Variants in CCSER1 observed in about 807,000 individuals in gnomAD.
CCSER1 encodes the protein coiled-coil serine rich protein 1, also known as serine-rich coiled-coil domain-containing protein 1.
CCSER1 carries 41 observed loss-of-function variants against 82.0 expected under a neutral mutation model. The observed-to-expected ratio is 0.50, with a 90% confidence interval of 0.39 to 0.65. CCSER1 has a LOEUF of 0.65. Ranked by LOEUF, CCSER1 falls within the 30% of genes least tolerant of loss-of-function variation. The pLI is 0.00. For synonymous variants in CCSER1, 414 were observed against 383.9 expected, an observed-to-expected ratio of 1.08 and a Z score of -0.92; for missense variants, 1,119 against 1,064.2, an observed-to-expected ratio of 1.05 and a Z score of -0.72.
intron 1 of CCSER1, among the ~76,000 whole-genome samples, chr4:90,175,811 A>G (rs778607188): frequency 3.2e-4 from 49 of 152,114 alleles, no homozygotes; most frequent in Non-Finnish European, 6.2e-4. Context: ...TTGCGAAGTG[A>G]AGGATAGATA....
chr4:91,360,990 A>G (rs1749207141), intron 10 of CCSER1, among the ~76,000 whole-genome samples: 1 of 151,886 alleles, frequency 6.6e-6, no homozygotes, highest in South Asian at 2.1e-4. Context: ...GCTTGGAGTC[A>G]ATGAAATTCT....
intron 7 of CCSER1, among the ~76,000 whole-genome samples, chr4:90,780,024 T>C (rs1343978356): frequency 2.6e-5 from 4 of 152,226 alleles, no homozygotes; most frequent in Non-Finnish European, 2.9e-5. Context: ...ACCACTTACC[T>C]CTAGTCACCT....
At chr4:90,589,913 G>A (rs1426791513) in intron 5 of CCSER1, among the ~76,000 whole-genome samples, 1 of 152,156 alleles carries the variant, frequency 6.6e-6, no homozygotes, top group Non-Finnish European at 1.5e-5. Flanking sequence ...TCAGATCACT[G>A]GAATATCTAC....
chr4:90,196,209 A>AG (rs1736572311), intron 1 of CCSER1, among the ~76,000 whole-genome samples: 1 of 151,992 alleles, frequency 6.6e-6, no homozygotes, highest in South Asian at 2.1e-4. Context: ...CTCCTAATAA[A>AG]GGGGGCAAAT....
At chr4:91,230,760 C>A (rs1738565736) in intron 10 of CCSER1, among the ~76,000 whole-genome samples, 1 of 151,376 alleles carries the variant, frequency 6.6e-6, no homozygotes, top group Admixed American at 6.6e-5. Context: ...GAATAAAATC[C>A]TTAATCAGAA....
At chr4:90,191,760 A>C (rs1027102096) in intron 1 of CCSER1, among the ~76,000 whole-genome samples, 1 of 152,108 alleles carries the variant, frequency 6.6e-6, no homozygotes, top group African/African-American at 2.4e-5. Context: ...AGTTCTTCAC[A>C]ATAATCCTTG....
chr4:91,552,149 A>G (rs1011025869), intron 10 of CCSER1, among the ~76,000 whole-genome samples: 2 of 151,682 alleles, frequency 1.3e-5, no homozygotes, highest in African/African-American at 4.9e-5. Flanking sequence ...AGATGGCTAA[A>G]CTACCCTCAA....
chr4:90,289,599 T>A (rs1458193960), intron 1 of CCSER1, among the ~76,000 whole-genome samples: 1 of 151,910 alleles, frequency 6.6e-6, no homozygotes, highest in East Asian at 1.9e-4. Flanking sequence ...TTCAAATTTG[T>A]ACAATCTTAA....
intron 9 of CCSER1, among the ~76,000 whole-genome samples, chr4:91,016,165 G>A (rs73834722): frequency 2.3e-3 from 356 of 152,004 alleles, no homozygotes; most frequent in African/African-American, 8.1e-3. Flanking sequence ...TTTATTTGAA[G>A]TTGACTGGAT....
At chr4:90,806,544 A>G (rs959227076) in intron 7 of CCSER1, among the ~76,000 whole-genome samples, 2 of 152,182 alleles carry the variant, frequency 1.3e-5, no homozygotes, top group African/African-American at 4.8e-5. Context: ...TCCCATCTCA[A>G]TAAAGGACTC....
At chr4:91,303,950 A>C (rs1744859899) in intron 10 of CCSER1, among the ~76,000 whole-genome samples, 1 of 152,092 alleles carries the variant, frequency 6.6e-6, no homozygotes, top group Admixed American at 6.6e-5. Context: ...CTGAAAATAT[A>C]GTCTGTTAAT....
At chr4:90,467,887 C>A (rs897175066) in intron 4 of CCSER1, among the ~76,000 whole-genome samples, 1 of 152,074 alleles carries the variant, frequency 6.6e-6, no homozygotes, top group Non-Finnish European at 1.5e-5. Context: ...GTTTATTGAT[C>A]TTGATGCTGA....
intron 1 of CCSER1, among the ~76,000 whole-genome samples, chr4:90,295,292 T>A (rs1219338577): frequency 6.6e-6 from 1 of 152,038 alleles, no homozygotes; most frequent in Non-Finnish European, 1.5e-5. Flanking sequence ...TTGGATTTCT[T>A]TGTAAATGTC....
At chr4:90,300,127 A>T (rs1159352489) in intron 1 of CCSER1, among the ~76,000 whole-genome samples, 1 of 152,136 alleles carries the variant, frequency 6.6e-6, no homozygotes, top group Non-Finnish European at 1.5e-5. Context: ...TCCCCTAAAC[A>T]CTTCAAGTAT....
chr4:90,474,828 T>C (rs1764841246), intron 5 of CCSER1, among the ~76,000 whole-genome samples: 1 of 152,184 alleles, frequency 6.6e-6, no homozygotes, highest in African/African-American at 2.4e-5. Context: ...GCAAGTTAAA[T>C]ATAGTTATTA....
chr4:91,172,667 G>A (rs886798358), intron 10 of CCSER1, among the ~76,000 whole-genome samples: 5 of 152,062 alleles, frequency 3.3e-5, no homozygotes, highest in African/African-American at 4.8e-5. Context: ...CATAACACGC[G>A]AGGCAGAAGC....
intron 8 of CCSER1, among the ~76,000 whole-genome samples, chr4:90,845,994 A>G (rs1268701026): frequency 6.6e-6 from 1 of 152,166 alleles, no homozygotes; most frequent in East Asian, 1.9e-4. Flanking sequence ...TTAACCATAA[A>G]TGCTCAATAT....
chr4:90,719,510 C>T (rs1742302506), intron 6 of CCSER1, among the ~76,000 whole-genome samples: 1 of 152,134 alleles, frequency 6.6e-6, no homozygotes, highest in African/African-American at 2.4e-5. Context: ...AAAACGGTCC[C>T]TCATGCCAAA....
At chr4:90,436,403 G>C (rs1283160750) in intron 4 of CCSER1, among the ~76,000 whole-genome samples, 1 of 152,154 alleles carries the variant, frequency 6.6e-6, no homozygotes, top group Non-Finnish European at 1.5e-5. Flanking sequence ...ATAGAAAACA[G>C]AACTGTACAC....
Sources: gnomAD v4.1 joint callset for allele counts (sites outside exome capture counted in the v4.1 genomes callset) on GRCh38, gnomAD v4.1.1 for gene constraint, MANE v1.5 for transcripts, NCBI Gene and HGNC (gene_info 2026-07-23, HGNC 2026-07-21) for gene names.